The following ROBO2 variants were observed in gnomAD, a reference collection of about 807,000 sequenced individuals.
ROBO2 encodes roundabout guidance receptor 2.
A neutral mutation model predicts 160.8 loss-of-function variants in ROBO2; 53 were observed. The ratio of observed to expected loss-of-function variants is 0.33; its 90% confidence interval spans 0.26 to 0.41. The LOEUF (loss-of-function observed/expected upper bound fraction) is 0.41, where lower values mean the gene tolerates loss of function less well. Ranked by LOEUF, ROBO2 falls within the 10% of genes least tolerant of loss-of-function variation. The pLI is 1.00. For missense variants in ROBO2, 1,577 were observed against 1,722.4 expected (o/e 0.92, Z 1.49); for synonymous variants, 664 against 611.7 (o/e 1.09, Z -1.26).
intron 2 of ROBO2, among the ~76,000 whole-genome samples, chr3:76,087,247 G>T (rs2069050259): frequency 1.3e-5 from 2 of 151,584 alleles, no homozygotes; most frequent in African/African-American, 4.8e-5. Flanking sequence ...GAAAGGCAAA[G>T]AAAAAATCTA....
chr3:76,339,066 T>C (rs1355839720), intron 2 of ROBO2, among the ~76,000 whole-genome samples: 4 of 152,218 alleles, frequency 2.6e-5, no homozygotes. Flanking sequence ...TCTTAGTCCA[T>C]CAATGATATT....
intron 2 of ROBO2, among the ~76,000 whole-genome samples, chr3:76,399,453 T>G (rs932323298): frequency 1.3e-5 from 2 of 151,786 alleles, no homozygotes; most frequent in Non-Finnish European, 2.9e-5. Context: ...TCCAGGAATC[T>G]GAAACTATAC....
At chr3:76,027,572 T>C (rs1434441835) in intron 2 of ROBO2, among the ~76,000 whole-genome samples, 1 of 151,878 alleles carries the variant, frequency 6.6e-6, no homozygotes, top group African/African-American at 2.4e-5. Flanking sequence ...AATAATCAAG[T>C]ACATGAAAAT....
chr3:77,156,480 G>A (rs1415746718), intron 2 of ROBO2, among the ~76,000 whole-genome samples: 1 of 151,950 alleles, frequency 6.6e-6, no homozygotes, highest in African/African-American at 2.4e-5. Context: ...ACCATTATGA[G>A]TTAAACCAAT....
chr3:75,961,131 C>T (rs1948895497), intron 2 of ROBO2, among the ~76,000 whole-genome samples: 1 of 151,434 alleles, frequency 6.6e-6, no homozygotes, highest in Admixed American at 6.6e-5. Context: ...AGAAACTGGG[C>T]CCTAGTCTAT....
chr3:77,630,140 A>G (rs113561312), intron 23 of ROBO2: 3 of 152,310 alleles, frequency 2.0e-5, no homozygotes, highest in African/African-American at 7.2e-5. Context: ...ATCTCTGTCT[A>G]AAGAATGAAG....
intron 2 of ROBO2, among the ~76,000 whole-genome samples, chr3:77,412,302 G>T (rs1467279960): frequency 3.3e-5 from 5 of 152,206 alleles, no homozygotes; most frequent in Middle Eastern, 3.2e-3. Context: ...CAAGGAAGTT[G>T]CATGCTGGAA....
At chr3:76,603,341 AAAAAAAAAAAATATAT>A (rs1256303100) in intron 2 of ROBO2, among the ~76,000 whole-genome samples, 188 of 55,412 alleles carry the variant, frequency 3.4e-3, no homozygotes, top group East Asian at 1.0e-2. Flanking sequence ...CCAAAAAAAA[AAAAAAAAAAAATATAT>A]ATATATATAT....
chr3:76,725,728 T>G lies in ROBO2; in HGVS notation c.110-372286T>G, dbSNP rs561015805. On this transcript the variant is annotated intron_variant, in intron 2 of 26. Transcript: ENST00000487694. ...AGTTGGATCAAAGGCAGGTATTCTC[T>G]GTTAGGTGGGGGAATGCAGGCCTCA... Among the ~76,000 whole-genome samples, 5 of 152,280 alleles carry G rather than the reference T, an allele frequency of 3.3e-5. No individual in the cohort carries two copies. In the South Asian group the frequency reaches 1.0e-3, roughly 32 times the overall value.
At chr3:77,057,717 C>T (rs1011108705) in intron 1 of ROBO2, among the ~76,000 whole-genome samples, 1 of 151,568 alleles carries the variant, frequency 6.6e-6, no homozygotes. Flanking sequence ...ATTACAGGCA[C>T]GTGCCACCAC....
intron 2 of ROBO2, among the ~76,000 whole-genome samples, chr3:76,802,692 C>T (rs1433111853): frequency 6.8e-6 from 1 of 147,858 alleles, no homozygotes; most frequent in East Asian, 2.0e-4. Context: ...GGCGTCACTG[C>T]ACTCCAGCCT....
intron 4 of ROBO2, among the ~76,000 whole-genome samples, chr3:77,481,738 G>A (rs899031336): frequency 6.6e-6 from 1 of 152,088 alleles, no homozygotes; most frequent in Non-Finnish European, 1.5e-5. Context: ...GAGATATTTT[G>A]TTATGATATT....
intron 22 of ROBO2, 179 bp downstream of exon 23, chr3:77,617,952 A>G: frequency 2.0e-6 from 1 of 509,492 alleles, no homozygotes; most frequent in South Asian, 2.3e-5. Context: ...TTTGGCCAAA[A>G]CTAGAACTAG....
intron 19 of ROBO2, among the ~76,000 whole-genome samples, chr3:77,601,519 G>A (rs1258803651): frequency 6.6e-6 from 1 of 152,156 alleles, no homozygotes; most frequent in Non-Finnish European, 1.5e-5. Flanking sequence ...TACTCTAGCT[G>A]TATTACAACA....
chr3:77,533,485 C>T (rs140880045), intron 6 of ROBO2, among the ~76,000 whole-genome samples: 125 of 152,254 alleles, frequency 8.2e-4, no homozygotes, highest in South Asian at 4.1e-3. Flanking sequence ...CAGAGGAATC[C>T]ACTTCAAAGT....
intron 9 of ROBO2, among the ~76,000 whole-genome samples, chr3:77,559,881 A>T (rs1259504929): frequency 6.6e-6 from 1 of 152,234 alleles, no homozygotes; most frequent in East Asian, 1.9e-4. Context: ...AGTTGAGTTT[A>T]AAAAAGTAAA....
intron 2 of ROBO2, among the ~76,000 whole-genome samples, chr3:76,259,754 G>T (rs1706625283): frequency 1.3e-5 from 2 of 152,072 alleles, no homozygotes; most frequent in African/African-American, 4.8e-5. Flanking sequence ...CTGTGCGCAA[G>T]GCATCCCCCT....
intron 2 of ROBO2, among the ~76,000 whole-genome samples, chr3:77,449,102 T>C (rs1036571222): frequency 3.3e-5 from 5 of 152,046 alleles, no homozygotes; most frequent in Non-Finnish European, 7.4e-5. Flanking sequence ...ATTGCTTACA[T>C]GAAAAGGTGT....
At chr3:77,377,253 AATT>A (rs1159690073) in intron 2 of ROBO2, among the ~76,000 whole-genome samples, 1 of 152,190 alleles carries the variant, frequency 6.6e-6, no homozygotes. Context: ...AAGCAATAAA[AATT>A]ATCTTGTTCC....
Sources: allele counts gnomAD v4.1 joint callset (sites outside exome capture counted in the v4.1 genomes callset), GRCh38; gene constraint gnomAD v4.1.1; transcripts MANE v1.5; gene names NCBI Gene and HGNC (gene_info 2026-07-23, HGNC 2026-07-21).